The following PCDHA4 variants were observed in gnomAD, a reference collection of about 807,000 sequenced individuals.
The protein encoded by PCDHA4 is protocadherin alpha 4, also known as protocadherin alpha-4.
Under a neutral mutation model 61.4 loss-of-function variants are expected in PCDHA4, and 49 were observed. The observed-to-expected ratio is 0.80, with a 90% CI of 0.63 to 1.01. The LOEUF is 1.01. Among genes scored for constraint, PCDHA4 ranks in the 50% least tolerant of loss-of-function variants. PCDHA4 has a pLI of 0.00. For synonymous variants in PCDHA4, 590 were observed against 550.3 expected (o/e 1.07, Z -1.01); for missense variants, 1,254 against 1,235.8 (o/e 1.01, Z -0.22).
intron 1 of PCDHA4, chr5:140,841,056 A>T: frequency 2.2e-6 from 1 of 445,048 alleles, no homozygotes; most frequent in Non-Finnish European, 3.9e-6. Context: ...TTACTATTAA[A>T]TTATGATAAA....
At chr5:140,854,823 T>C (rs1007254376) in intron 1 of PCDHA4, among the ~76,000 whole-genome samples, 1 of 149,812 alleles carries the variant, frequency 6.7e-6, no homozygotes, top group Non-Finnish European at 1.5e-5. Flanking sequence ...CAAGTGGTGA[T>C]GAAAAACTTC....
chr5:140,975,811 A>G (rs2096684538), intron 1 of PCDHA4, among the ~76,000 whole-genome samples: 3 of 134,728 alleles, frequency 2.2e-5, no homozygotes, highest in Non-Finnish European at 5.2e-5. Context: ...TATAATTTTA[A>G]TAGGAACTGA....
rs1554123873 is a variant in PCDHA4, at chr5:140,807,310, C to G, written c.123C>G (p.His41Gln). Residue 41 changes from histidine (H) to glutamine (Q), a missense_variant, in exon 1 of 4, where the codon CAC becomes CAG. By Grantham distance (24) the His-to-Gln change is conservative (BLOSUM62 0). Coordinates refer to ENST00000530339, the MANE Select transcript of PCDHA4 (RefSeq NM_018907.4). Reference protein sequence around the residue: ...LHYSVSEEAKHGTFVGRIAQD... With the variant: ...LHYSVSEEAKQGTFVGRIAQD... ...ACTCGGTCTCCGAGGAGGCCAAACACGGCACCTTCGTGGGCCGCATCGCGC... is the reference window on the plus strand; with the variant it reads ...ACTCGGTCTCCGAGGAGGCCAAACAGGGCACCTTCGTGGGCCGCATCGCGC... 6.2e-7 allele frequency: 1 copy of G among 1,614,114 alleles called. No individual in the cohort carries two copies. Among genetic ancestry groups the G allele is most frequent in the South Asian group, 1.1e-5 (1 of 91,082 alleles).
Position 140,884,013 on chromosome 5 carries a change from C to T in PCDHA4, c.2385+74441C>T, listed in dbSNP as rs148971741. The T allele has an allele frequency of 5.1e-5, 82 of 1,613,132 alleles. No homozygotes were observed. The African/African-American group carries it at 9.2e-4, about 18-fold the overall frequency. On this transcript the variant is annotated intron_variant, in intron 1 of 3. Transcript: ENST00000530339. ...GGAGGCACAGTGAGCGAGCTGATGC[C>T]GCGGTCGGTGGGTGCAGGCCACGTG...
chr5:140,843,757 G>A, intron 1 of PCDHA4: 1 of 1,504,904 alleles, frequency 6.6e-7, no homozygotes, highest in Non-Finnish European at 9.1e-7. Context: ...TCTATTTGTG[G>A]AAATTGTAGT....
chr5:140,835,928 C>G (rs2150248518), intron 1 of PCDHA4: 1 of 1,612,452 alleles, frequency 6.2e-7, no homozygotes, highest in Non-Finnish European at 8.5e-7. Context: ...CGGAGAGCGG[C>G]AAGGTGTACG....
chr5:140,823,434 C>G, intron 1 of PCDHA4: 1 of 1,613,238 alleles, frequency 6.2e-7, no homozygotes, highest in South Asian at 1.1e-5. Flanking sequence ...TGCAGGTGTT[C>G]GTGCTGGACG....
intron 1 of PCDHA4, chr5:140,861,415 G>T (rs1400394792): frequency 4.2e-6 from 2 of 475,856 alleles, no homozygotes; most frequent in Non-Finnish European, 8.6e-6. Context: ...CTGATACCGC[G>T]CCTGTTTCAG....
chr5:140,890,915 G>A (rs1169684735), intron 1 of PCDHA4, among the ~76,000 whole-genome samples: 4 of 152,116 alleles, frequency 2.6e-5, no homozygotes, highest in African/African-American at 9.7e-5. Flanking sequence ...AGAATAATTT[G>A]AGAGTTTCCT....
At position 141,010,632 on chromosome 5, in the gene PCDHA4, A is replaced by G. The variant is rs782191972; in HGVS notation, c.*695A>G. The G allele has an allele frequency of 1.6e-5, 3 of 185,902 alleles. No individual in the cohort carries two copies. Among genetic ancestry groups the G allele is most frequent in the Non-Finnish European group, 3.4e-5 (3 of 88,214 alleles). The allele number at this position is 185,902 out of a possible 1,614,324, so 11.5% of individuals were successfully genotyped here. On this transcript the variant is annotated 3_prime_UTR_variant, in exon 4 of 4. Coordinates refer to ENST00000530339, the MANE Select transcript of PCDHA4 (RefSeq NM_018907.4). ...ACCTAAAATCTGCATCATACCTGCAAGCCAACAGTTCAGTGTTTTAACAGA... is the reference window on the plus strand; with the variant it reads ...ACCTAAAATCTGCATCATACCTGCAGGCCAACAGTTCAGTGTTTTAACAGA...
At chr5:140,957,107 G>A in intron 1 of PCDHA4, among the ~76,000 whole-genome samples, 1 of 152,092 alleles carries the variant, frequency 6.6e-6, no homozygotes, top group East Asian at 1.9e-4. Context: ...CTATGGACAT[G>A]ATTCTGTGTG....
At chr5:140,849,513 G>A (rs2150439555) in intron 1 of PCDHA4, 1 of 1,597,076 alleles carries the variant, frequency 6.3e-7, no homozygotes, top group Non-Finnish European at 8.6e-7. Context: ...TCTTGTGGAA[G>A]TTGTGGATGT....
Position 140,807,311 on chromosome 5 carries a change from G to A in PCDHA4, c.124G>A (p.Gly42Ser). ...HYSVSEEAKH[G>S]TFVGRIAQDL... ...CTCGGTCTCCGAGGAGGCCAAACAC[G>A]GCACCTTCGTGGGCCGCATCGCGCA... is the stretch of plus-strand genomic sequence containing the variant. Residue 42 changes from glycine (G) to serine (S), a missense_variant, in exon 1 of 4, where the codon GGC becomes AGC. By Grantham distance (56) the Gly-to-Ser change is moderately conservative. Coordinates refer to ENST00000530339, the MANE Select transcript of PCDHA4 (RefSeq NM_018907.4). 1 of 1,614,084 alleles carries A rather than the reference G, an allele frequency of 6.2e-7. No homozygotes were observed. The highest frequency in any genetic ancestry group is 8.5e-7 in the Non-Finnish European group (1 of 1,180,032).
intron 1 of PCDHA4, among the ~76,000 whole-genome samples, chr5:140,926,141 A>G (rs2082938262): frequency 6.6e-6 from 1 of 152,038 alleles, no homozygotes; most frequent in Non-Finnish European, 1.5e-5. Flanking sequence ...AGCAGGATCC[A>G]GCGCGGAAAG....
chr5:140,919,307 T>C (rs567605906), intron 1 of PCDHA4, among the ~76,000 whole-genome samples: 2 of 152,348 alleles, frequency 1.3e-5, no homozygotes, highest in East Asian at 1.9e-4. Context: ...GTACAATATA[T>C]GTTTTCCCAT....
chr5:140,821,614 G>A (rs1287439178), intron 1 of PCDHA4: 1 of 830,962 alleles, frequency 1.2e-6, no homozygotes, highest in Non-Finnish European at 1.8e-6. Context: ...ACAGTGAGTA[G>A]ATTTTCCTTA....
intron 1 of PCDHA4, chr5:140,866,292 A>T (rs1453745216): frequency 6.6e-6 from 1 of 152,182 alleles, no homozygotes; most frequent in East Asian, 1.9e-4. Flanking sequence ...TGGGACAAGT[A>T]TAGATGTTGA....
chr5:140,861,559 A>G (rs2046978123), intron 1 of PCDHA4: 2 of 393,478 alleles, frequency 5.1e-6, no homozygotes, highest in Non-Finnish European at 5.3e-6. Context: ...GTGATCGTGG[A>G]CAAGCTGCTA....
Position 140,808,827 on chromosome 5 carries a change from G to A in PCDHA4, c.1640G>A (p.Ser547Asn). The change falls in exon 1 of 4, where the codon AGC becomes AAC. Residue 547 changes from serine (S) to asparagine (N), a missense_variant. Ser to Asn is a conservative substitution (Grantham distance 46). Transcript: ENST00000530339. ...ARDAGVPPLG[S>N]NVTLQVFVLD... ...GATGCCGGCGTGCCACCTCTGGGCA[G>A]CAACGTGACGCTGCAGGTGTTCGTG... 2 of 1,612,876 alleles carry A rather than the reference G, an allele frequency of 1.2e-6. No homozygotes were observed. Among genetic ancestry groups the A allele is most frequent in the South Asian group, 1.1e-5 (1 of 91,060 alleles).
Sources: allele counts gnomAD v4.1 joint callset (sites outside exome capture counted in the v4.1 genomes callset), GRCh38; gene constraint gnomAD v4.1.1; transcripts MANE v1.5; gene names NCBI Gene and HGNC (gene_info 2026-07-23, HGNC 2026-07-21).